The following GPR37L1 variants were observed in gnomAD, a reference collection of about 807,000 sequenced individuals.
GPR37L1 encodes G protein-coupled receptor 37 like 1.
In GPR37L1, 18 loss-of-function variants were observed where a neutral mutation model predicts 18.0. The ratio of observed to expected loss-of-function variants is 1.00; its 90% CI spans 0.69 to 1.49. The LOEUF (loss-of-function observed/expected upper bound fraction) is 1.49, where lower values mean the gene tolerates loss of function less well. Ranked by LOEUF, GPR37L1 falls within the 40% of genes most tolerant of loss-of-function variation. The pLI, the probability that GPR37L1 is intolerant of heterozygous loss-of-function variation, is 0.00. For synonymous variants in GPR37L1, 256 were observed against 273.9 expected, an observed-to-expected ratio of 0.93 and a Z score of 0.65; for missense variants, 558 against 615.1, an observed-to-expected ratio of 0.91 and a Z score of 0.98.
At chr1:202,126,271 G>A (rs990868233) in intron 1 of GPR37L1, among the ~76,000 whole-genome samples, 1 of 152,106 alleles carries the variant, frequency 6.6e-6, no homozygotes, top group Non-Finnish European at 1.5e-5. Flanking sequence ...AGCTGGGTGT[G>A]GTGGCGCACA....
Position 202,123,387 on chromosome 1 carries a change from G to A in GPR37L1, c.424G>A (p.Ala142Thr). The change falls in exon 1 of 2, where the codon GCG (alanine) becomes ACG (threonine). Residue 142 changes from alanine (A) to threonine (T), a missense_variant. Transcript: ENST00000367282. ...CATGCTTCTGGCGCTGGTGGTGTTTGCGGTGGGCATTGTGGGCAACCTGTC... is the reference window on the plus strand; with the variant it reads ...CATGCTTCTGGCGCTGGTGGTGTTTACGGTGGGCATTGTGGGCAACCTGTC... ...AIMLLALVVF[A>T]VGIVGNLSVM... 6.2e-7 allele frequency: 1 copy of A among 1,614,200 alleles called. No homozygotes were observed. Among genetic ancestry groups the A allele is most frequent in the Non-Finnish European group, 8.5e-7 (1 of 1,180,040 alleles).
rs562770997 is a variant in GPR37L1, at chr1:202,127,650, A to G, written c.631-91A>G. ...AATTTCTATGCTTATCACTCAATTC[A>G]TGGTCTAACTGAGCCAGAAGCCAGG... On this transcript the variant is annotated intron_variant, in intron 1 of 1. Transcript: ENST00000367282. 1.3e-5 allele frequency: 11 copies of G among 870,722 alleles called. No individual in the cohort carries two copies. In the African/African-American group the frequency reaches 1.5e-4, roughly 12 times the overall value. 53.9% of individuals were successfully genotyped at this position (870,722 alleles called of 1,614,324 possible).
At position 202,126,488 on chromosome 1, in the gene GPR37L1, G is replaced by A. The variant is rs74606403; in HGVS notation, c.631-1253G>A. On this transcript the variant is annotated intron_variant, in intron 1 of 1. Transcript: ENST00000367282. ...GCAGGCCTGGGCTCCCCTGCCAAGA[G>A]AGGGGGTTGGGGTTTCCACAAAGAA... Among the ~76,000 whole-genome samples, 17 of 152,238 alleles carry A rather than the reference G, an allele frequency of 1.1e-4. 1 individual carries two copies. In the South Asian group the frequency reaches 2.1e-3, roughly 19 times the overall value.
At position 202,128,438 on chromosome 1, in the gene GPR37L1, C is replaced by T. The variant is rs748607219; in HGVS notation, c.1328C>T (p.Ser443Leu). 1.7e-5 allele frequency: 27 copies of T among 1,610,888 alleles called. No homozygotes were observed. The highest frequency in any genetic ancestry group is 4.5e-5 in the East Asian group (2 of 44,760). Residue 443 changes from serine to leucine, a missense_variant, in exon 2 of 2, where the codon TCG becomes TTG. Transcript: ENST00000367282. ...CCCCEECGGA[S>L]EASAANGSDN... Reference sequence around the variant, plus strand: ...TGCTGTGAGGAGTGCGGCGGGGCTTCGGAGGCCTCTGCTGCCAATGGGTCG... The same window carrying T: ...TGCTGTGAGGAGTGCGGCGGGGCTTTGGAGGCCTCTGCTGCCAATGGGTCG...
chr1:202,127,704 C>A, intron 1 of GPR37L1, 37 bp from the exon 2 acceptor site: 1 of 1,429,400 alleles, frequency 7.0e-7, no homozygotes, highest in Non-Finnish European at 9.5e-7. Flanking sequence ...TAGATTTTGA[C>A]CAAGTGCTTC....
rs1363202623 is a variant in GPR37L1 at position 202,133,303 on chromosome 1, GCT to G, written c.*4750_*4751del. 1 of 152,292 alleles carries G rather than the reference GCT, an allele frequency of 6.6e-6. No homozygotes were observed. Among genetic ancestry groups the G allele is most frequent in the Non-Finnish European group, 1.5e-5 (1 of 68,074 alleles). 9.4% of individuals were successfully genotyped at this position (152,292 alleles called of 1,614,324 possible). ...GGCGGGCATGTGCTCGCGCTCCGTG[GCT>G]CTGTTGGTGCCCAGCGTGCGGGGGT... On this transcript the variant is annotated 3_prime_UTR_variant, in exon 2 of 2. Coordinates refer to ENST00000367282, the MANE Select transcript of GPR37L1 (RefSeq NM_004767.5).
intron 1 of GPR37L1, among the ~76,000 whole-genome samples, chr1:202,125,996 G>A (rs990651240): frequency 1.3e-5 from 2 of 152,160 alleles, no homozygotes; most frequent in Non-Finnish European, 2.9e-5. Context: ...TACTGGGATT[G>A]CAGGCGTGAT....
rs1006534896 is a variant in GPR37L1, at chr1:202,128,771, C to T, written c.*215C>T. On this transcript the variant is annotated 3_prime_UTR_variant, in exon 2 of 2. Coordinates refer to ENST00000367282, the MANE Select transcript of GPR37L1 (RefSeq NM_004767.5). Reference sequence around the variant, plus strand: ...CAACCCTGTCCTTTCCACTGGTGGGCGGTGATGCTTCTAGGTCCTTAGAAC... The same window carrying T: ...CAACCCTGTCCTTTCCACTGGTGGGTGGTGATGCTTCTAGGTCCTTAGAAC... 77 of 524,962 alleles carry T rather than the reference C, an allele frequency of 1.5e-4. No homozygotes were observed. The highest frequency in any genetic ancestry group is 5.7e-5 in the Non-Finnish European group (17 of 296,782). The allele number at this position is 524,962 out of a possible 1,614,324, so 32.5% of individuals were successfully genotyped here. A position where few individuals can be genotyped will look rare whatever the true frequency, so the allele number is the denominator to read the frequency against.
rs776742546 is a variant in GPR37L1 at position 202,123,366 on chromosome 1, C to A, written c.403C>A (p.Leu135Ile). Residue 135 changes from leucine to isoleucine, a missense_variant, in exon 1 of 2, where the codon CTT becomes ATT. Transcript: ENST00000367282. Reference sequence around the variant, plus strand: ...CTCCTACAGTGCCTATGCCATCATGCTTCTGGCGCTGGTGGTGTTTGCGGT... The same window carrying A: ...CTCCTACAGTGCCTATGCCATCATGATTCTGGCGCTGGTGGTGTTTGCGGT... Reference protein sequence around the residue: ...ESSYSAYAIMLLALVVFAVGI... With the variant: ...ESSYSAYAIMILALVVFAVGI... The A allele has an allele frequency of 4.3e-6, 7 of 1,614,054 alleles. No individual in the cohort carries two copies. The African/African-American group carries it at 9.3e-5, about 22-fold the overall frequency.
chr1:202,128,567 G>C lies in GPR37L1; in HGVS notation c.*11G>C. On this transcript the variant is annotated 3_prime_UTR_variant, in exon 2 of 2. Transcript: ENST00000367282. The stretch of plus-strand genomic sequence containing the variant: ...GGCACACCTTGCTGAGGCCCCAGTA[G>C]GGGTGGGGAGGGAGGGAGAGGCCGC... The C allele has an allele frequency of 6.8e-7, 1 of 1,463,778 alleles. No homozygotes were observed. Among genetic ancestry groups the C allele is most frequent in the East Asian group, 2.3e-5 (1 of 43,654 alleles). 90.7% of individuals were successfully genotyped at this position (1,463,778 alleles called of 1,614,324 possible). A position where few individuals can be genotyped will look rare whatever the true frequency, so the allele number is the denominator to read the frequency against.
intron 1 of GPR37L1, among the ~76,000 whole-genome samples, chr1:202,124,587 T>C (rs1479391418): frequency 6.6e-6 from 1 of 152,232 alleles, no homozygotes; most frequent in Non-Finnish European, 1.5e-5. Flanking sequence ...TTTCAAATTT[T>C]GGCTGCATGG....
At chr1:202,123,992 C>T (rs571870580) in intron 1 of GPR37L1, among the ~76,000 whole-genome samples, 2 of 152,154 alleles carry the variant, frequency 1.3e-5, no homozygotes, top group Non-Finnish European at 2.9e-5. Flanking sequence ...CTCTGTACCC[C>T]CTGCCGCTGC....
chr1:202,127,814 C>A lies in GPR37L1; in HGVS notation c.704C>A (p.Thr235Asn). ...GACCGCTTCCACGTGGCCACCAGCA[C>A]CCTGCCCAAGGTGAGGCCCATCGAG... is the stretch of plus-strand genomic sequence containing the variant. ...GIDRFHVATS[T>N]LPKVRPIERC... Residue 235 changes from threonine to asparagine, a missense_variant, in exon 2 of 2, where the codon ACC (threonine) becomes AAC (asparagine). Coordinates refer to ENST00000367282, the MANE Select transcript of GPR37L1 (RefSeq NM_004767.5). 6.2e-7 allele frequency: 1 copy of A among 1,613,246 alleles called. No homozygotes were observed.
Position 202,131,870 on chromosome 1 carries a change from G to A in GPR37L1, c.*3314G>A. 1 of 150,894 alleles carries A rather than the reference G, an allele frequency of 6.6e-6. No homozygotes were observed. Among genetic ancestry groups the A allele is most frequent in the East Asian group, 1.9e-4 (1 of 5,136 alleles). The allele number at this position is 150,894 out of a possible 1,614,324, so 9.3% of individuals were successfully genotyped here. Reference sequence around the variant, plus strand: ...TCCTGCCTCAGCTTCCTGAGTAGCTGGGACTACAGGTGCGCACTACCACGC... The same window carrying A: ...TCCTGCCTCAGCTTCCTGAGTAGCTAGGACTACAGGTGCGCACTACCACGC... On this transcript the variant is annotated 3_prime_UTR_variant, in exon 2 of 2. Coordinates refer to ENST00000367282, the MANE Select transcript of GPR37L1 (RefSeq NM_004767.5).
chr1:202,124,978 C>T (rs750390442), intron 1 of GPR37L1, among the ~76,000 whole-genome samples: 4 of 152,022 alleles, frequency 2.6e-5, no homozygotes, highest in Admixed American at 6.6e-5. Context: ...CCAGCCTGGC[C>T]AACATGGTGA....
rs1264411927 is a variant in GPR37L1 at position 202,128,636 on chromosome 1, T to C, written c.*80T>C. 3 of 861,168 alleles carry C rather than the reference T, an allele frequency of 3.5e-6. No individual in the cohort carries two copies. The African/African-American group carries it at 5.1e-5, about 15-fold the overall frequency. 53.3% of individuals were successfully genotyped at this position (861,168 alleles called of 1,614,324 possible). A position where few individuals can be genotyped will look rare whatever the true frequency, so the allele number is the denominator to read the frequency against. ...CTGTTCTTTCCCCATAGGTCTTGCT[T>C]TGTTGCCTGTCTTGCTGTCTAGGGA... On this transcript the variant is annotated 3_prime_UTR_variant, in exon 2 of 2. Transcript: ENST00000367282.
chr1:202,125,219 T>A (rs552791486), intron 1 of GPR37L1, among the ~76,000 whole-genome samples: 3 of 150,482 alleles, frequency 2.0e-5, no homozygotes, highest in Admixed American at 2.0e-4. Flanking sequence ...TTAGTTATCA[T>A]CTTGTGCTCA....
chr1:202,127,054 A>G (rs1047558859), intron 1 of GPR37L1, among the ~76,000 whole-genome samples: 4 of 152,184 alleles, frequency 2.6e-5, no homozygotes, highest in African/African-American at 9.7e-5. Context: ...TTCATCCCCC[A>G]GCCTGAGAGG....
Position 202,123,194 on chromosome 1 carries a change from G to C in GPR37L1, c.231G>C (p.Gln77His). The change falls in exon 1 of 2, where the codon CAG becomes CAC. Residue 77 changes from glutamine (Q) to histidine (H), a missense_variant. Gln to His is a conservative substitution (Grantham distance 24). Transcript: ENST00000367282. ...GGCCCATTCACCCTGCTGGCCTGCAGCCAACCAAGCCCTTGGTGGCCACCA... is the reference window on the plus strand; with the variant it reads ...GGCCCATTCACCCTGCTGGCCTGCACCCAACCAAGCCCTTGGTGGCCACCA... ...YPRPIHPAGL[Q>H]PTKPLVATSP... 1 of 1,613,658 alleles carries C rather than the reference G, an allele frequency of 6.2e-7. No homozygotes were observed. Among genetic ancestry groups the C allele is most frequent in the Non-Finnish European group, 8.5e-7 (1 of 1,179,832 alleles).
Sources: allele counts gnomAD v4.1 joint callset (sites outside exome capture counted in the v4.1 genomes callset), GRCh38; gene constraint gnomAD v4.1.1; transcripts MANE v1.5; gene names NCBI Gene and HGNC (gene_info 2026-07-23, HGNC 2026-07-21).